ADGRG4: variants seen among roughly 807,000 people sequenced by gnomAD.
The protein encoded by ADGRG4 is adhesion G protein-coupled receptor G4.
Under a neutral mutation model 126.2 loss-of-function variants are expected in ADGRG4, and 122 were observed. The ratio of observed to expected loss-of-function variants is 0.97; its 90% CI spans 0.83 to 1.12. The LOEUF (loss-of-function observed/expected upper bound fraction) is 1.12. Ranked by LOEUF, ADGRG4 falls within the 50% of genes most tolerant of loss-of-function variation. The probability of loss-of-function intolerance (pLI) is 0.00; values close to 1 mark genes in which losing one functional copy is unlikely to be tolerated. For missense variants in ADGRG4, 2,481 were observed against 2,251.8 expected (o/e 1.10, Z -2.06); for synonymous variants, 943 against 838.7 (o/e 1.12, Z -2.15).
intron 3 of ADGRG4, among the ~76,000 whole-genome samples, chrX:136,307,709 G>T (rs1200017464): frequency 8.9e-6 from 1 of 112,510 alleles, no homozygotes; most frequent in Non-Finnish European, 1.9e-5. Flanking sequence ...TATAGAAAAA[G>T]AAATGTTTAA....
At chrX:136,358,693 T>A (rs1223017626) in intron 10 of ADGRG4, among the ~76,000 whole-genome samples, 1 of 111,823 alleles carries the variant, frequency 8.9e-6, no homozygotes, top group East Asian at 2.8e-4. Flanking sequence ...TCCCTGAGGC[T>A]GAGTTCCATC....
Position 136,387,842 on chromosome X carries a change from T to A in ADGRG4, c.7879T>A (p.Phe2627Ile). The A allele has an allele frequency of 1.7e-6, 2 of 1,209,244 alleles. No homozygotes were observed. The highest frequency in any genetic ancestry group is 2.2e-6 in the Non-Finnish European group (2 of 893,620). Reference protein sequence around the residue: ...IPLSNLQTILFNFFGQTSLFK... With the variant: ...IPLSNLQTILINFFGQTSLFK... ...TCTTAGCAACTTACAAACGATCTTG[T>A]TTAATTTCTTTGGCCAAACTTCACT... The change falls in exon 16 of 26, where the codon TTT becomes ATT. Residue 2627 changes from phenylalanine to isoleucine, a missense_variant. Coordinates refer to ENST00000394143, the MANE Select transcript of ADGRG4 (RefSeq NM_153834.4).
In ADGRG4 at chrX:136,372,899, C is replaced by T; in HGVS notation, c.7614-3C>T. Reference sequence around the variant, plus strand: ...GCTCTTCTCCATCTGTGGTTTCTTGCAGAATTCTGAGGATAATTGAGCGTA... The same window carrying T: ...GCTCTTCTCCATCTGTGGTTTCTTGTAGAATTCTGAGGATAATTGAGCGTA... On this transcript the variant is annotated splice_region_variant and splice_polypyrimidine_tract_variant and intron_variant, in intron 14 of 25. Transcript: ENST00000394143. 1 of 1,210,378 alleles carries T rather than the reference C, an allele frequency of 8.3e-7. No homozygotes were observed. The highest frequency in any genetic ancestry group is 1.1e-6 in the Non-Finnish European group (1 of 894,203).
chrX:136,318,327 A>G (rs995973947), intron 4 of ADGRG4, among the ~76,000 whole-genome samples: 8 of 112,122 alleles, frequency 7.1e-5, no homozygotes, highest in Non-Finnish European at 1.5e-4. Flanking sequence ...TGTCCAGAAC[A>G]GGCAAATCCA....
chrX:136,376,803 C>A (rs79531762), intron 15 of ADGRG4, among the ~76,000 whole-genome samples: 3 of 111,228 alleles, frequency 2.7e-5, no homozygotes, highest in Admixed American at 1.9e-4. Context: ...GATTTTGTAA[C>A]CTGAGACTTT....
At chrX:136,306,863 C>T (rs1204904074) in intron 3 of ADGRG4, among the ~76,000 whole-genome samples, 4 of 110,500 alleles carry the variant, frequency 3.6e-5, no homozygotes, top group East Asian at 2.8e-4. Flanking sequence ...TATAGGCATG[C>T]GCCACCATGC....
rs145176102 is a variant in ADGRG4 at position 136,372,453 on chromosome X, C to T, written c.7614-449C>T. 3.4e-3 allele frequency among the ~76,000 whole-genome samples: 376 copies of T among 111,526 alleles called. 1 individual carries two copies. Among genetic ancestry groups the T allele is most frequent in the African/African-American group, 0.012 (361 of 30,691 alleles). ...TATGGGTCATCTTCTACATAGCACC[C>T]GGAGTAATCTTTTAATGTATATATC... On this transcript the variant is annotated intron_variant, in intron 14 of 25. Coordinates refer to ENST00000394143, the MANE Select transcript of ADGRG4 (RefSeq NM_153834.4).
chrX:136,415,618 G>C (rs1261888941), intron 25 of ADGRG4, among the ~76,000 whole-genome samples: 2 of 111,554 alleles, frequency 1.8e-5, no homozygotes, highest in Non-Finnish European at 3.8e-5. Context: ...CAAGTAACCT[G>C]TGGATATGTC....
rs200821500 is a variant in ADGRG4, at chrX:136,348,597, A to C, written c.4891A>C (p.Thr1631Pro). 1 of 1,208,259 alleles carries C rather than the reference A, an allele frequency of 8.3e-7. No individual in the cohort carries two copies. Among genetic ancestry groups the C allele is most frequent in the African/African-American group, 1.8e-5 (1 of 56,898 alleles). ...KNKMVSSAFTTEMIEAPSRIT... is the reference protein window; with the variant it reads ...KNKMVSSAFTPEMIEAPSRIT... The stretch of plus-strand genomic sequence containing the variant: ...CAAAATGGTTTCCTCTGCTTTCACT[A>C]CAGAAATGATAGAGGCACCTTCCAG... The change falls in exon 6 of 26, where the codon ACA becomes CCA. Residue 1631 changes from threonine (T) to proline (P), a missense_variant. Transcript: ENST00000394143.
At chrX:136,397,550 A>G (rs757337847) in intron 19 of ADGRG4, among the ~76,000 whole-genome samples, 1 of 92,301 alleles carries the variant, frequency 1.1e-5, no homozygotes, top group Non-Finnish European at 2.1e-5. Context: ...TGCTCAGTTC[A>G]GATAATTATT....
At chrX:136,331,551 A>T (rs896267766) in intron 5 of ADGRG4, among the ~76,000 whole-genome samples, 1 of 112,212 alleles carries the variant, frequency 8.9e-6, no homozygotes, top group African/African-American at 3.2e-5. Context: ...TGTATAAGGG[A>T]TCTAGTTTCT....
chrX:136,362,981 T>A (rs2075137352), intron 12 of ADGRG4, among the ~76,000 whole-genome samples: 1 of 111,472 alleles, frequency 9.0e-6, no homozygotes, highest in African/African-American at 3.3e-5. Context: ...AATAAATGTG[T>A]TAGCTGACTT....
chrX:136,378,000 G>T (rs1486101917), intron 15 of ADGRG4, among the ~76,000 whole-genome samples: 7 of 110,955 alleles, frequency 6.3e-5, no homozygotes, highest in Non-Finnish European at 9.4e-5. Context: ...CAAATCTGCT[G>T]ATCAATTTGT....
Position 136,351,487 on chromosome X carries a change from T to C in ADGRG4, c.6768T>C (p.Val2256=). Residue 2256 remains valine, a synonymous_variant, in exon 7 of 26, where the codon GTT becomes GTC. Coordinates refer to ENST00000394143, the MANE Select transcript of ADGRG4 (RefSeq NM_153834.4). ...YNVEMSFSVF[V]EEPRIPITSV... is the part of the protein sequence containing the mutation. ...TTGAAATGAGCTTCTCTGTCTTTGT[T>C]GAAGAGCCAAGGATCCCTATTACCA... 1 of 1,171,600 alleles carries C rather than the reference T, an allele frequency of 8.5e-7. No individual in the cohort carries two copies. Among genetic ancestry groups the C allele is most frequent in the East Asian group, 3.0e-5 (1 of 32,917 alleles).
Position 136,364,217 on chromosome X carries a change from A to G in ADGRG4, c.7396+622A>G, listed in dbSNP as rs757902638. 1.4e-4 allele frequency among the ~76,000 whole-genome samples: 16 copies of G among 111,632 alleles called. No homozygotes were observed. The South Asian group carries it at 1.5e-3, about 11-fold the overall frequency. On this transcript the variant is annotated intron_variant, in intron 13 of 25. Coordinates refer to ENST00000394143, the MANE Select transcript of ADGRG4 (RefSeq NM_153834.4). ...TCAATACTCAAAAAACAAAAAGAGT[A>G]TGTGTAAAACATCTCCCTCCCACTG...
intron 12 of ADGRG4, among the ~76,000 whole-genome samples, chrX:136,363,057 C>G (rs1419828142): frequency 9.0e-6 from 1 of 110,957 alleles, no homozygotes; most frequent in Non-Finnish European, 1.9e-5. Flanking sequence ...GATGGGCCAT[C>G]GAGGGTTCTA....
chrX:136,323,498 G>A, intron 5 of ADGRG4, 106 bp downstream of exon 5: 3 of 632,441 alleles, frequency 4.7e-6, no homozygotes, highest in Non-Finnish European at 7.4e-6. Context: ...TTTTTAATGA[G>A]GAGCACATAC....
chrX:136,383,329 G>A (rs2075273379), intron 15 of ADGRG4, among the ~76,000 whole-genome samples: 1 of 111,389 alleles, frequency 9.0e-6, no homozygotes, highest in Admixed American at 9.5e-5. Context: ...CTTTTATTAA[G>A]CACATATACA....
chrX:136,364,030 C>A (rs1338544041), intron 13 of ADGRG4, among the ~76,000 whole-genome samples: 1 of 110,556 alleles, frequency 9.0e-6, no homozygotes, highest in Non-Finnish European at 1.9e-5. Flanking sequence ...AGGCTGGTCT[C>A]AAACTCCTAA....
Sources: gnomAD v4.1 joint callset for allele counts (sites outside exome capture counted in the v4.1 genomes callset) on GRCh38, gnomAD v4.1.1 for gene constraint, MANE v1.5 for transcripts, NCBI Gene and HGNC (gene_info 2026-07-23, HGNC 2026-07-21) for gene names.